Variants in COG6 observed in about 807,000 individuals in gnomAD.
COG6 encodes component of oligomeric golgi complex 6.
Under a neutral mutation model 88.8 loss-of-function variants are expected in COG6, and 74 were observed. The observed-to-expected ratio is 0.83, with a 90% CI of 0.69 to 1.01. The LOEUF is 1.01. Ranked by LOEUF, COG6 falls within the 50% of genes least tolerant of loss-of-function variation. The probability of loss-of-function intolerance (pLI) is 0.00; values close to 1 mark genes in which losing one functional copy is unlikely to be tolerated. For synonymous variants in COG6, 286 were observed against 278.7 expected, an observed-to-expected ratio of 1.03 and a Z score of -0.26; for missense variants, 800 against 797.9, an observed-to-expected ratio of 1.00 and a Z score of -0.03.
At chr13:39,659,645 C>T (rs1461926486) in intron 2 of COG6, 138 bp downstream of exon 2, 8 of 664,416 alleles carry the variant, frequency 1.2e-5, no homozygotes, top group Non-Finnish European at 2.1e-5. Context: ...GCTAATTTCT[C>T]TTGCTGCATC....
chr13:39,759,186 G>A (rs746482971), intron 18 of COG6, among the ~76,000 whole-genome samples: 4 of 152,160 alleles, frequency 2.6e-5, no homozygotes, highest in Admixed American at 6.5e-5. Flanking sequence ...CCACTGGATT[G>A]TGCTCTTTTT....
At chr13:39,656,119 G>C (rs760272026) in intron 1 of COG6, 2 of 657,492 alleles carry the variant, frequency 3.0e-6, no homozygotes, top group Admixed American at 4.1e-5. Context: ...CTGAAAAGGT[G>C]CCTTCAAGGC....
chr13:39,660,792 T>TA lies in COG6; in HGVS notation c.298-17dup. The TA allele has an allele frequency of 6.6e-7, 1 of 1,517,872 alleles. No individual in the cohort carries two copies. Among genetic ancestry groups the TA allele is most frequent in the African/African-American group, 1.4e-5 (1 of 73,112 alleles). 94.0% of individuals were successfully genotyped at this position (1,517,872 alleles called of 1,614,324 possible). The stretch of plus-strand genomic sequence containing the variant: ...TTGCTGTATATATGATGTTTGATGT[T>TA]ACTTTTCTTCTTTTCAGGAACTTGA... On this transcript the variant is annotated splice_polypyrimidine_tract_variant and intron_variant, in intron 2 of 18. Transcript: ENST00000455146.
At chr13:39,773,885 T>TC (rs1881388021) in intron 18 of COG6, among the ~76,000 whole-genome samples, 1 of 151,502 alleles carries the variant, frequency 6.6e-6, no homozygotes, top group Admixed American at 6.6e-5. Flanking sequence ...TTTTTTTTTT[T>TC]ACCCAATCAT....
At chr13:39,742,153 C>T (rs1194118058) in intron 18 of COG6, among the ~76,000 whole-genome samples, 5 of 152,094 alleles carry the variant, frequency 3.3e-5, no homozygotes, top group East Asian at 1.9e-4. Flanking sequence ...AAAAACATGC[C>T]GAACTGTAAA....
chr13:39,735,723 T>C (rs1368503005), intron 18 of COG6, among the ~76,000 whole-genome samples: 1 of 62,720 alleles, frequency 1.6e-5, no homozygotes, highest in Non-Finnish European at 3.4e-5. Flanking sequence ...TTTTTTTTTT[T>C]TTGGTCTGGG....
At chr13:39,773,689 A>G (rs986698521) in intron 18 of COG6, among the ~76,000 whole-genome samples, 14 of 152,272 alleles carry the variant, frequency 9.2e-5, no homozygotes, top group Admixed American at 2.0e-4. Context: ...AGTTTTGAGG[A>G]AATAGGTTAA....
At chr13:39,717,074 T>A (rs1399761357) in intron 13 of COG6, among the ~76,000 whole-genome samples, 1 of 152,156 alleles carries the variant, frequency 6.6e-6, no homozygotes, top group Non-Finnish European at 1.5e-5. Flanking sequence ...CCCCTTACTC[T>A]TGAAGAATAG....
chr13:39,698,281 G>C (rs940681600), intron 12 of COG6, among the ~76,000 whole-genome samples: 1 of 151,782 alleles, frequency 6.6e-6, no homozygotes. Flanking sequence ...GTTGCTTGAT[G>C]TACACTTTTA....
At chr13:39,777,795 G>A (rs1023931646) in intron 18 of COG6, among the ~76,000 whole-genome samples, 18 of 152,174 alleles carry the variant, frequency 1.2e-4, no homozygotes, top group South Asian at 4.1e-4. Flanking sequence ...ACTGAAAAAA[G>A]GGTAGTAGGG....
At position 39,752,110 on chromosome 13, in the gene COG6, A is replaced by G. The variant is rs947534969; in HGVS notation, c.*1017A>G. On this transcript the variant is annotated 3_prime_UTR_variant, in exon 19 of 19. Coordinates refer to ENST00000455146, the MANE Select transcript of COG6 (RefSeq NM_020751.3). ...TAAAAATGACTGTATTTTTAAAGGA[A>G]TAAATCCCAGTGTGCCTGATTTGAC... The G allele has an allele frequency of 7.8e-7, 1 of 1,278,780 alleles. No homozygotes were observed. The highest frequency in any genetic ancestry group is 1.5e-5 in the African/African-American group (1 of 65,512). 79.2% of individuals were successfully genotyped at this position (1,278,780 alleles called of 1,614,324 possible).
chr13:39,731,395 A>G (rs1352864217), intron 18 of COG6, among the ~76,000 whole-genome samples: 1 of 152,204 alleles, frequency 6.6e-6, no homozygotes. Context: ...AAATGGTTTT[A>G]AAGAATTCTT....
At chr13:39,717,137 G>C (rs1878568058) in intron 13 of COG6, among the ~76,000 whole-genome samples, 1 of 152,140 alleles carries the variant, frequency 6.6e-6, no homozygotes, top group Non-Finnish European at 1.5e-5. Context: ...CTGTGACTAT[G>C]TCATCCAATA....
Position 39,728,964 on chromosome 13 carries a change from A to G in COG6, c.1826+1416A>G, listed in dbSNP as rs1014702821. 5.3e-5 allele frequency among the ~76,000 whole-genome samples: 8 copies of G among 152,076 alleles called. No individual in the cohort carries two copies. In the East Asian group the frequency reaches 1.4e-3, roughly 26 times the overall value. ...AGGTGTGAGCCACTGCGCCCGGCCA[A>G]TGTGCTTCTTAAATTATTAAATTTT... On this transcript the variant is annotated intron_variant, in intron 18 of 18. Transcript: ENST00000455146.
At chr13:39,761,306 T>C (rs1372168353) in intron 18 of COG6, among the ~76,000 whole-genome samples, 1 of 152,036 alleles carries the variant, frequency 6.6e-6, no homozygotes, top group Non-Finnish European at 1.5e-5. Flanking sequence ...TATTTGTTGC[T>C]GTATATAGAA....
chr13:39,770,498 G>A (rs1488114753), intron 18 of COG6, among the ~76,000 whole-genome samples: 2 of 152,198 alleles, frequency 1.3e-5, no homozygotes, highest in South Asian at 2.1e-4. Flanking sequence ...TATGACAGAA[G>A]CTTGACTGAA....
chr13:39,697,465 A>G (rs1877340097), intron 12 of COG6, among the ~76,000 whole-genome samples: 1 of 151,990 alleles, frequency 6.6e-6, no homozygotes, highest in Admixed American at 6.6e-5. Flanking sequence ...TCCAGGAAAC[A>G]GGGACTCGAG....
intron 18 of COG6, among the ~76,000 whole-genome samples, chr13:39,732,747 AG>A (rs1879520578): frequency 6.6e-6 from 1 of 152,204 alleles, no homozygotes; most frequent in Non-Finnish European, 1.5e-5. Flanking sequence ...ATGGAGTCTT[AG>A]AGAATTGTGA....
intron 18 of COG6, among the ~76,000 whole-genome samples, chr13:39,733,164 G>A (rs1300750049): frequency 6.7e-6 from 1 of 149,152 alleles, no homozygotes; most frequent in South Asian, 2.1e-4. Flanking sequence ...TGCACTGTAA[G>A]AAATGGGTAC....
Sources: gnomAD v4.1 joint callset for allele counts (sites outside exome capture counted in the v4.1 genomes callset) on GRCh38, gnomAD v4.1.1 for gene constraint, MANE v1.5 for transcripts, NCBI Gene and HGNC (gene_info 2026-07-23, HGNC 2026-07-21) for gene names.